The following NFIB variants were observed in gnomAD, a reference collection of about 807,000 sequenced individuals.
NFIB encodes the protein nuclear factor I B.
In NFIB, 11 loss-of-function variants were observed where a neutral mutation model predicts 61.5. The ratio of observed to expected loss-of-function variants is 0.18; its 90% CI spans 0.11 to 0.30. The LOEUF (loss-of-function observed/expected upper bound fraction) is 0.30. NFIB is among the 10% of genes least tolerant of loss of function. The probability of loss-of-function intolerance (pLI) is 1.00; values close to 1 mark genes in which losing one functional copy is unlikely to be tolerated. For missense variants in NFIB, 471 were observed against 608.9 expected (o/e 0.77, Z 2.38); for synonymous variants, 260 against 216.5 (o/e 1.20, Z -1.76).
chr9:14,427,745 G>C, the NFIB span, among the ~76,000 whole-genome samples: 1 of 152,026 alleles, frequency 6.6e-6, no homozygotes, highest in Non-Finnish European at 1.5e-5. Flanking sequence ...GCTAATAGAA[G>C]AGTGACTGGT....
chr9:14,204,460 T>C, intron 2 of NFIB: 5 of 1,051,000 alleles, frequency 4.8e-6, no homozygotes, highest in Non-Finnish European at 7.3e-6. Flanking sequence ...TCATCCTCTA[T>C]AAGCGACTGA....
chr9:14,459,211 T>C, the NFIB span, among the ~76,000 whole-genome samples: 4 of 152,114 alleles, frequency 2.6e-5, no homozygotes, highest in South Asian at 2.1e-4. Flanking sequence ...GAAATAATGC[T>C]GCATATCTAC....
At chr9:14,312,417 C>G (rs1347226848) in intron 1 of NFIB, among the ~76,000 whole-genome samples, 1 of 152,190 alleles carries the variant, frequency 6.6e-6, no homozygotes, top group South Asian at 2.1e-4. Context: ...TTATCAATTA[C>G]CAATGGTGAC....
intron 2 of NFIB, among the ~76,000 whole-genome samples, chr9:14,197,659 T>C (rs2048607403): frequency 6.6e-6 from 1 of 152,212 alleles, no homozygotes; most frequent in Non-Finnish European, 1.5e-5. Flanking sequence ...AGTTGCAAAT[T>C]TGGAACTCAA....
chr9:14,144,732 G>C (rs2042105436), intron 6 of NFIB, among the ~76,000 whole-genome samples: 1 of 152,182 alleles, frequency 6.6e-6, no homozygotes, highest in Non-Finnish European at 1.5e-5. Flanking sequence ...TGTTGACAGA[G>C]AAAACTAGGA....
At chr9:14,477,790 T>G in the NFIB span, among the ~76,000 whole-genome samples, 2 of 152,184 alleles carry the variant, frequency 1.3e-5, no homozygotes, top group African/African-American at 4.8e-5. Context: ...GATTAAGGTT[T>G]TGTTTTGTTG....
chr9:14,129,272 T>C (rs2040092430), intron 6 of NFIB, among the ~76,000 whole-genome samples: 1 of 152,056 alleles, frequency 6.6e-6, no homozygotes, highest in African/African-American at 2.4e-5. Context: ...TAATTGCCTT[T>C]GTTTTCTCAT....
At chr9:14,472,989 T>C in the NFIB span, among the ~76,000 whole-genome samples, 1 of 152,218 alleles carries the variant, frequency 6.6e-6, no homozygotes, top group Non-Finnish European at 1.5e-5. Context: ...CAAACCATAT[T>C]AAGTGAAGCA....
chr9:14,128,218 G>A (rs2039937466), intron 6 of NFIB, among the ~76,000 whole-genome samples: 1 of 152,076 alleles, frequency 6.6e-6, no homozygotes, highest in Non-Finnish European at 1.5e-5. Context: ...TATAGATGAT[G>A]CAATCACTTG....
chr9:14,297,979 A>C (rs10429540), intron 2 of NFIB, among the ~76,000 whole-genome samples: 1 of 151,710 alleles, frequency 6.6e-6, no homozygotes, highest in African/African-American at 2.4e-5. Context: ...TGAAGAGTAG[A>C]AAAAAAACAA....
intron 10 of NFIB, among the ~76,000 whole-genome samples, chr9:14,105,638 T>G (rs2036455032): frequency 6.6e-6 from 1 of 152,158 alleles, no homozygotes; most frequent in African/African-American, 2.4e-5. Flanking sequence ...AATTAAATCA[T>G]TAAAATAGAA....
chr9:14,405,052 C>G, the NFIB span, among the ~76,000 whole-genome samples: 1 of 152,134 alleles, frequency 6.6e-6, no homozygotes, highest in Admixed American at 6.5e-5. Flanking sequence ...GACCTATTAC[C>G]AGAGTTCTGG....
intron 6 of NFIB, among the ~76,000 whole-genome samples, chr9:14,132,662 G>T (rs1462388245): frequency 6.6e-6 from 1 of 151,918 alleles, no homozygotes; most frequent in Non-Finnish European, 1.5e-5. Flanking sequence ...CAAACTCCTG[G>T]GTTCAAGCGA....
intron 1 of NFIB, among the ~76,000 whole-genome samples, chr9:14,394,996 G>C (rs1005330703): frequency 6.6e-6 from 1 of 151,974 alleles, no homozygotes; most frequent in Non-Finnish European, 1.5e-5. Flanking sequence ...AACCTCCTCT[G>C]GTCCACTCAA....
Position 14,125,655 on chromosome 9 carries a change from C to A in NFIB, c.1037G>T (p.Gly346Val). Reference protein sequence around the residue: ...LSTFPQHHHPGIPGVAHSVIS... With the variant: ...LSTFPQHHHPVIPGVAHSVIS... ...ACCACTGTGTGCAACTCCAGGTATT[C>A]CGGGATGGTGGTGCTGGGGGAAAGT... The change falls in exon 7 of 11, where the codon GGA becomes GTA. Residue 346 changes from glycine to valine, a missense_variant. Gly to Val is a moderately radical substitution (Grantham distance 109, BLOSUM62 -3). This residue lies in a region of NFIB where 372 missense variants were observed against 395.6 expected (regional missense o/e 0.94). Coordinates refer to ENST00000380953, the MANE Select transcript of NFIB (RefSeq NM_001190737.2). 1 of 1,614,090 alleles carries A rather than the reference C, an allele frequency of 6.2e-7. No homozygotes were observed. Among genetic ancestry groups the A allele is most frequent in the Non-Finnish European group, 8.5e-7 (1 of 1,180,002 alleles).
chr9:14,467,982 T>A, the NFIB span, among the ~76,000 whole-genome samples: 7 of 152,366 alleles, frequency 4.6e-5, no homozygotes, highest in African/African-American at 1.7e-4. Flanking sequence ...ATGACTTTAA[T>A]CCTGTGGAGA....
the NFIB span, among the ~76,000 whole-genome samples, chr9:14,425,361 A>G: frequency 6.6e-6 from 1 of 152,134 alleles, no homozygotes; most frequent in Middle Eastern, 3.4e-3. Context: ...TGCCTTTAGT[A>G]TTTGTACCAG....
chr9:14,317,362 G>C (rs1470898279), upstream of NFIB: 1 of 152,270 alleles, frequency 6.6e-6, no homozygotes, highest in East Asian at 1.9e-4. Context: ...CCCCAGAGAA[G>C]TGAAGACGTC....
chr9:14,224,748 G>A (rs1028851970), intron 2 of NFIB, among the ~76,000 whole-genome samples: 2 of 152,212 alleles, frequency 1.3e-5, no homozygotes, highest in Non-Finnish European at 2.9e-5. Flanking sequence ...GGGGCCTGGG[G>A]TTGGGGCGGT....
Sources: allele counts gnomAD v4.1 joint callset (sites outside exome capture counted in the v4.1 genomes callset), GRCh38; gene constraint gnomAD v4.1.1; regional missense constraint gnomAD v4.1.1; transcripts MANE v1.5; gene names NCBI Gene and HGNC (gene_info 2026-07-23, HGNC 2026-07-21).